PTPN13: variants seen among roughly 807,000 people sequenced by gnomAD.
The protein encoded by PTPN13 is tyrosine-protein phosphatase non-receptor type 13.
A neutral mutation model predicts 284.0 loss-of-function variants in PTPN13; 191 were observed. The ratio of observed to expected loss-of-function variants is 0.67; its 90% confidence interval spans 0.60 to 0.76. The LOEUF is 0.76. PTPN13 is among the 30% of genes least tolerant of loss of function. The pLI is 0.00. For missense variants in PTPN13, 2,797 were observed against 2,939.9 expected (o/e 0.95, Z 1.12); for synonymous variants, 986 against 1,022.3 (o/e 0.96, Z 0.68).
chr4:86,673,830 C>T (rs972106888), intron 3 of PTPN13, among the ~76,000 whole-genome samples: 1 of 152,158 alleles, frequency 6.6e-6, no homozygotes, highest in African/African-American at 2.4e-5. Context: ...GCCTCAGACT[C>T]CCAAGTAGCT....
chr4:86,748,846 G>T (rs950166993), intron 17 of PTPN13, among the ~76,000 whole-genome samples: 9 of 151,956 alleles, frequency 5.9e-5, no homozygotes, highest in Non-Finnish European at 1.3e-4. Flanking sequence ...TAGTAGAGAT[G>T]GGGTTTCACC....
At chr4:86,613,743 C>CT (rs1362251764) in intron 1 of PTPN13, among the ~76,000 whole-genome samples, 2 of 151,672 alleles carry the variant, frequency 1.3e-5, no homozygotes, top group Non-Finnish European at 2.9e-5. Context: ...TATGTTAATT[C>CT]TTTTTTGCAT....
Position 86,717,121 on chromosome 4 carries a change from T to C in PTPN13, c.1385+4T>C, listed in dbSNP as rs751513868. ...AAGGCCAGTCACAGAGACCGAGGTA[T>C]GTCATGAAAAAGTAGTGATGATACA... On this transcript the variant is annotated splice_donor_region_variant and intron_variant, in intron 9 of 47. Coordinates refer to ENST00000411767, the MANE Select transcript of PTPN13 (RefSeq NM_080683.3). The C allele has an allele frequency of 1.3e-6, 2 of 1,598,390 alleles. No homozygotes were observed. The highest frequency in any genetic ancestry group is 1.7e-5 in the Admixed American group (1 of 59,762).
chr4:86,701,304 T>C lies in PTPN13; in HGVS notation c.698T>C (p.Leu233Pro). 1.2e-6 allele frequency: 2 copies of C among 1,612,186 alleles called. No individual in the cohort carries two copies. The highest frequency in any genetic ancestry group is 1.7e-6 in the Non-Finnish European group (2 of 1,179,024). The change falls in exon 7 of 48, where the codon CTT (leucine) becomes CCT (proline). Residue 233 changes from leucine (L) to proline (P), a missense_variant. Transcript: ENST00000411767. The stretch of plus-strand genomic sequence containing the variant: ...CCTCCACTCTCTCATCAGACCTTTC[T>C]TAACAAAGGGCTTAGTAAATCTATG... ...QKPPLSHQTF[L>P]NKGLSKSMGF... is the part of the protein sequence containing the mutation.
chr4:86,759,373 A>G (rs1285132538), intron 23 of PTPN13, among the ~76,000 whole-genome samples: 1 of 152,228 alleles, frequency 6.6e-6, no homozygotes, highest in Non-Finnish European at 1.5e-5. Context: ...ATTTTGTCTC[A>G]TTATCCCAGT....
chr4:86,635,530 G>A (rs971435089), intron 2 of PTPN13, among the ~76,000 whole-genome samples, 159 bp downstream of exon 2: 3 of 152,208 alleles, frequency 2.0e-5, no homozygotes, highest in Non-Finnish European at 4.4e-5. Context: ...GGCTGAAAAA[G>A]CTCAGCTATT....
chr4:86,727,230 G>A (rs1272515211), intron 10 of PTPN13, among the ~76,000 whole-genome samples: 3 of 149,504 alleles, frequency 2.0e-5, no homozygotes, highest in Non-Finnish European at 3.0e-5. Context: ...TTTTATTGAG[G>A]ATTTTCACAT....
At chr4:86,742,540 C>T (rs1736275386) in intron 16 of PTPN13, among the ~76,000 whole-genome samples, 1 of 152,140 alleles carries the variant, frequency 6.6e-6, no homozygotes, top group Non-Finnish European at 1.5e-5. Context: ...AGTATAGTCT[C>T]AGCAAAACAG....
intron 3 of PTPN13, among the ~76,000 whole-genome samples, chr4:86,673,276 A>G (rs1424289383): frequency 6.6e-5 from 10 of 152,310 alleles, no homozygotes. Context: ...AATGTACAAG[A>G]TGAGCAATTA....
intron 33 of PTPN13, among the ~76,000 whole-genome samples, 170 bp downstream of exon 33, chr4:86,774,701 TTA>T (rs34474473): frequency 2.8e-3 from 306 of 110,514 alleles, no homozygotes; most frequent in African/African-American, 7.4e-3. Flanking sequence ...GGAAATTATT[TTA>T]TATATATATA....
chr4:86,805,300 T>C lies in PTPN13; in HGVS notation c.6676T>C (p.Leu2226=). The change falls in exon 44 of 48, where the codon TTG becomes CTG. Residue 2226 remains leucine (L), a synonymous_variant. Transcript: ENST00000411767. ...ACAGAATCTTCAAGAATTAAAACCT[T>C]TGGATCAGTGTCTAATTGGGCAAAC... is the stretch of plus-strand genomic sequence containing the variant. The part of the protein sequence containing the change: ...ELENLQELKP[L]DQCLIGQTKE... 6.3e-7 allele frequency: 1 copy of C among 1,596,988 alleles called. No homozygotes were observed. The highest frequency in any genetic ancestry group is 1.1e-5 in the South Asian group (1 of 89,274).
At chr4:86,812,103 G>A (rs62305600) in intron 47 of PTPN13, among the ~76,000 whole-genome samples, 15,521 of 151,832 alleles carry the variant, frequency 0.1, 1,038 homozygotes, top group Middle Eastern at 0.14. Flanking sequence ...GAGGTCAGGA[G>A]ATCGAGACCA....
At chr4:86,807,950 C>T in intron 45 of PTPN13, 53 bp downstream of exon 45, 1 of 1,437,246 alleles carries the variant, frequency 7.0e-7, no homozygotes, top group South Asian at 1.3e-5. Flanking sequence ...AGTTGTAATC[C>T]AAGCCTGGAC....
At chr4:86,759,711 A>G (rs1003993735) in intron 23 of PTPN13, among the ~76,000 whole-genome samples, 1 of 152,224 alleles carries the variant, frequency 6.6e-6, no homozygotes, top group Non-Finnish European at 1.5e-5. Flanking sequence ...ACATTGAGCA[A>G]AATCACATGA....
intron 40 of PTPN13, among the ~76,000 whole-genome samples, chr4:86,789,918 AAGGGGACCCAAGCAGGTTGCCCC>A (rs1221481807): frequency 1.3e-5 from 2 of 151,210 alleles, no homozygotes; most frequent in Non-Finnish European, 2.9e-5. Context: ...CACAGTGTGG[AAGGGGACCCAAGCAGGTTGCCCC>A]ACTGTAACTT....
At chr4:86,670,672 T>A (rs1424571643) in intron 2 of PTPN13, among the ~76,000 whole-genome samples, 1 of 152,204 alleles carries the variant, frequency 6.6e-6, no homozygotes, top group Non-Finnish European at 1.5e-5. Context: ...CCTTAGTTGA[T>A]AATTTGACAG....
intron 2 of PTPN13, among the ~76,000 whole-genome samples, chr4:86,649,942 C>G (rs1180784409): frequency 6.6e-6 from 1 of 152,084 alleles, no homozygotes; most frequent in African/African-American, 2.4e-5. Flanking sequence ...CATGGAATAT[C>G]TTTCCATTTT....
intron 27 of PTPN13, among the ~76,000 whole-genome samples, chr4:86,767,613 C>T (rs1342250405): frequency 1.3e-5 from 2 of 151,996 alleles, no homozygotes; most frequent in Non-Finnish European, 2.9e-5. Context: ...TCTTTCTATA[C>T]AGAAATGTAA....
rs1362257709 is a variant in PTPN13 at position 86,745,207 on chromosome 4, T to C, written c.2650+79T>C. 5 of 1,332,224 alleles carry C rather than the reference T, an allele frequency of 3.8e-6. No homozygotes were observed. The African/African-American group carries it at 5.9e-5, about 16-fold the overall frequency. The allele number at this position is 1,332,224 out of a possible 1,614,324, so 82.5% of individuals were successfully genotyped here. A position where few individuals can be genotyped will look rare whatever the true frequency, so the allele number is the denominator to read the frequency against. Reference sequence around the variant, plus strand: ...CCACCAAGTTTTAAAAGAACTGCCATGATTAGGATGAAAACTTACAATGTA... The same window carrying C: ...CCACCAAGTTTTAAAAGAACTGCCACGATTAGGATGAAAACTTACAATGTA... On this transcript the variant is annotated intron_variant, in intron 17 of 47. Transcript: ENST00000411767.
Sources: allele counts gnomAD v4.1 joint callset (sites outside exome capture counted in the v4.1 genomes callset), GRCh38; gene constraint gnomAD v4.1.1; transcripts MANE v1.5; gene names NCBI Gene and HGNC (gene_info 2026-07-23, HGNC 2026-07-21).